The following ADGRE1 variants were observed in gnomAD, a reference collection of about 807,000 sequenced individuals.
ADGRE1 encodes EGF-like module receptor 1.
In ADGRE1, 82 loss-of-function variants were observed where a neutral mutation model predicts 102.7. The ratio of observed to expected loss-of-function variants is 0.80; its 90% CI spans 0.67 to 0.96. The LOEUF (loss-of-function observed/expected upper bound fraction) is 0.96, where lower values mean the gene tolerates loss of function less well. Among genes scored for constraint, ADGRE1 ranks in the 40% least tolerant of loss-of-function variants. The pLI, the probability that ADGRE1 is intolerant of heterozygous loss-of-function variation, is 0.00. For missense variants in ADGRE1, 1,032 were observed against 1,085.3 expected, an observed-to-expected ratio of 0.95 and a Z score of 0.69; for synonymous variants, 398 against 399.6, an observed-to-expected ratio of 1.00 and a Z score of 0.05.
chr19:6,921,366 G>A (rs931065342), intron 13 of ADGRE1, among the ~76,000 whole-genome samples: 3 of 152,126 alleles, frequency 2.0e-5, no homozygotes, highest in African/African-American at 4.8e-5. Flanking sequence ...AGGTTGCAGC[G>A]AGCCGAGACT....
chr19:6,919,442 CTGTGTGTG>C (rs149877096), intron 12 of ADGRE1, 98 bp from the exon 13 acceptor site: 7,864 of 446,856 alleles, frequency 0.018, 1 homozygote, highest in Middle Eastern at 0.028. Flanking sequence ...CTCCCTCCCT[CTGTGTGTG>C]TGTGTGTGTG....
At chr19:6,910,761 C>T (rs1005219148) in intron 10 of ADGRE1, among the ~76,000 whole-genome samples, 9 of 151,772 alleles carry the variant, frequency 5.9e-5, no homozygotes, top group African/African-American at 2.2e-4. Context: ...TTAATAGAGA[C>T]GGGGTTTCAC....
At position 6,928,939 on chromosome 19, in the gene ADGRE1, CAAAAAA is replaced by C. The variant is rs61017298; in HGVS notation, c.2289+740_2289+745del. Among the ~76,000 whole-genome samples, 124 of 131,940 alleles carry C rather than the reference CAAAAAA, an allele frequency of 9.4e-4. 1 individual carries two copies. The highest frequency in any genetic ancestry group is 1.6e-3 in the Admixed American group (20 of 12,722). The allele number at this position is 131,940 out of a possible 152,430, so 86.6% of individuals were successfully genotyped here. A position where few individuals can be genotyped will look rare whatever the true frequency, so the allele number is the denominator to read the frequency against. ...AGGCAACAAGAGCAAAACTCCATCTCAAAAAAAAAAAAAAAAAGTTCTCCCTTCCAA... is the reference window on the plus strand; with the variant it reads ...AGGCAACAAGAGCAAAACTCCATCTCAAAAAAAAAAAGTTCTCCCTTCCAA... On this transcript the variant is annotated intron_variant, in intron 17 of 20. Coordinates refer to ENST00000312053, the MANE Select transcript of ADGRE1 (RefSeq NM_001974.5).
At position 6,913,720 on chromosome 19, in the gene ADGRE1, A is replaced by G; in HGVS notation, c.1190A>G (p.Glu397Gly). The change falls in exon 11 of 21, where the codon GAG becomes GGG. Residue 397 changes from glutamate to glycine, a missense_variant. By Grantham distance (98) the Glu-to-Gly change is moderately conservative. Coordinates refer to ENST00000312053, the MANE Select transcript of ADGRE1 (RefSeq NM_001974.5). ...ISTWTKFTKE[E>G]TSSLATVFLE... ...ACGTGGACTAAATTCACCAAGGAAG[A>G]GACGTCCTCCCTGGCCACAGTCTTC... The G allele has an allele frequency of 1.2e-6, 2 of 1,613,512 alleles. No homozygotes were observed. Among genetic ancestry groups the G allele is most frequent in the Middle Eastern group, 3.3e-4 (2 of 6,062 alleles).
intron 13 of ADGRE1, among the ~76,000 whole-genome samples, chr19:6,920,231 CTT>C (rs1555715827): frequency 2.5e-4 from 20 of 79,700 alleles, no homozygotes; most frequent in Admixed American, 3.3e-4. Context: ...GTGGTTGCTT[CTT>C]TTTTTTTTTT....
chr19:6,900,772 T>C (rs551039975), intron 5 of ADGRE1, among the ~76,000 whole-genome samples: 1 of 152,330 alleles, frequency 6.6e-6, no homozygotes, highest in South Asian at 2.1e-4. Context: ...TGGCTTAGTT[T>C]AAGAGATGTT....
At position 6,918,404 on chromosome 19, in the gene ADGRE1, G is replaced by A. The variant is rs149220146; in HGVS notation, c.1421-1144G>A. Among the ~76,000 whole-genome samples the A allele has an allele frequency of 5.3e-3, 806 of 152,078 alleles. 11 individuals carry two copies. The highest frequency in any genetic ancestry group is 0.018 in the African/African-American group (755 of 41,476). ...TGCAGTGAGCCGAGAACCTGCCATT[G>A]CACTCCAGCATGGGCAACAGAGCAA... On this transcript the variant is annotated intron_variant, in intron 12 of 20. Transcript: ENST00000312053.
intron 2 of ADGRE1, among the ~76,000 whole-genome samples, chr19:6,891,469 T>G (rs1178042350): frequency 6.6e-6 from 1 of 151,918 alleles, no homozygotes; most frequent in Non-Finnish European, 1.5e-5. Flanking sequence ...TTTTTTTTTT[T>G]TTGAGATAGA....
chr19:6,904,108 A>C lies in ADGRE1; in HGVS notation c.875A>C (p.Tyr292Ser), dbSNP rs752297535. ...NSICTNALGS[Y>S]SCGCIAGFHP... Reference sequence around the variant, plus strand: ...ATCTGCACCAATGCCCTGGGCTCCTACAGCTGTGGCTGCATTGCAGGCTTT... The same window carrying C: ...ATCTGCACCAATGCCCTGGGCTCCTCCAGCTGTGGCTGCATTGCAGGCTTT... Residue 292 changes from tyrosine to serine, a missense_variant, in exon 8 of 21, where the codon TAC (tyrosine) becomes TCC (serine). By Grantham distance (144) the Tyr-to-Ser change is moderately radical. Transcript: ENST00000312053. 13 of 1,614,052 alleles carry C rather than the reference A, an allele frequency of 8.1e-6. No individual in the cohort carries two copies. In the Admixed American group the frequency reaches 1.8e-4, roughly 23 times the overall value.
At chr19:6,923,072 G>A (rs935584283) in intron 14 of ADGRE1, among the ~76,000 whole-genome samples, 16 of 145,522 alleles carry the variant, frequency 1.1e-4, no homozygotes, top group African/African-American at 3.6e-4. Flanking sequence ...ACCAGACTCC[G>A]TCTCAAAAAG....
At chr19:6,912,167 T>A (rs1276996924) in intron 10 of ADGRE1, among the ~76,000 whole-genome samples, 1 of 151,558 alleles carries the variant, frequency 6.6e-6, no homozygotes, top group Non-Finnish European at 1.5e-5. Context: ...CACAGAGATA[T>A]ACACACATGC....
At chr19:6,928,091 C>A in intron 16 of ADGRE1, 54 bp from the exon 17 acceptor site, 2 of 1,577,746 alleles carry the variant, frequency 1.3e-6, no homozygotes, top group South Asian at 2.4e-5. Context: ...ACAGGGTTAA[C>A]TGTAAGGTCA....
intron 20 of ADGRE1, among the ~76,000 whole-genome samples, chr19:6,939,665 ATGTCTT>A (rs1975589930): frequency 6.6e-6 from 1 of 152,182 alleles, no homozygotes; most frequent in African/African-American, 2.4e-5. Context: ...CCCTTCTTTC[ATGTCTT>A]TGTCTTTAAC....
chr19:6,940,066 A>G lies in ADGRE1; in HGVS notation c.*37A>G, dbSNP rs758287526. ...GCTTTCAAATATGCTATGGAGCCACAGTTGAGGACAGTAGTTTCCTGCAGG... is the reference window on the plus strand; with the variant it reads ...GCTTTCAAATATGCTATGGAGCCACGGTTGAGGACAGTAGTTTCCTGCAGG... On this transcript the variant is annotated 3_prime_UTR_variant, in exon 21 of 21. Transcript: ENST00000312053. 3.2e-5 allele frequency: 52 copies of G among 1,610,836 alleles called. No homozygotes were observed. Among genetic ancestry groups the G allele is most frequent in the Non-Finnish European group, 4.3e-5 (51 of 1,178,014 alleles).
intron 10 of ADGRE1, among the ~76,000 whole-genome samples, 158 bp downstream of exon 10, chr19:6,908,930 T>C (rs1010593340): frequency 2.0e-5 from 3 of 151,892 alleles, no homozygotes; most frequent in Non-Finnish European, 4.4e-5. Flanking sequence ...GGTCAGGAGT[T>C]CAAGACCAGC....
At chr19:6,921,646 C>A in intron 13 of ADGRE1, 67 bp from the exon 14 acceptor site, 3 of 1,460,142 alleles carry the variant, frequency 2.1e-6, no homozygotes, top group South Asian at 2.8e-5. Flanking sequence ...TGAGGATGGT[C>A]ACATTTAATC....
rs777860473 is a variant in ADGRE1, at chr19:6,926,344, TGC to T, written c.1987-19_1987-18del. The T allele has an allele frequency of 1.2e-6, 2 of 1,610,832 alleles. No individual in the cohort carries two copies. Among genetic ancestry groups the T allele is most frequent in the African/African-American group, 2.7e-5 (2 of 74,822 alleles). ...TTCTCTCTGGGGTGGAGGATTCTGA[TGC>T]GCATGCTTCTCCCCTCCAGATGGGC... On this transcript the variant is annotated intron_variant, in intron 15 of 20. Transcript: ENST00000312053.
chr19:6,916,173 C>G, intron 11 of ADGRE1, 76 bp from the exon 12 acceptor site: 2 of 1,534,012 alleles, frequency 1.3e-6, no homozygotes, highest in Non-Finnish European at 1.8e-6. Context: ...GGAGGTGTAC[C>G]TTTTTTTGGA....
intron 18 of ADGRE1, among the ~76,000 whole-genome samples, chr19:6,935,722 T>G (rs1266270085): frequency 1.3e-5 from 2 of 152,218 alleles, no homozygotes; most frequent in Non-Finnish European, 2.9e-5. Flanking sequence ...ACACTAAACA[T>G]GAAACTACCC....
Sources: allele counts gnomAD v4.1 joint callset (sites outside exome capture counted in the v4.1 genomes callset), GRCh38; gene constraint gnomAD v4.1.1; transcripts MANE v1.5; gene names NCBI Gene and HGNC (gene_info 2026-07-23, HGNC 2026-07-21).